Variants in RAB3IP observed in about 807,000 individuals in gnomAD.
RAB3IP encodes the protein RAB3A interacting protein.
Under a neutral mutation model 59.1 loss-of-function variants are expected in RAB3IP, and 36 were observed. That is an observed-to-expected ratio of 0.61 (90% CI 0.47 to 0.80). The LOEUF (loss-of-function observed/expected upper bound fraction) is 0.80, where lower values mean the gene tolerates loss of function less well. RAB3IP is among the 30% of genes least tolerant of loss of function. RAB3IP has a pLI of 0.00. For missense variants in RAB3IP, 511 were observed against 536.0 expected, an observed-to-expected ratio of 0.95 and a Z score of 0.46; for synonymous variants, 207 against 191.2, an observed-to-expected ratio of 1.08 and a Z score of -0.68.
At chr12:69,798,950 G>A (rs1181106703) in intron 6 of RAB3IP, among the ~76,000 whole-genome samples, 1 of 152,150 alleles carries the variant, frequency 6.6e-6, no homozygotes, top group Non-Finnish European at 1.5e-5. Context: ...AGTGAATTAG[G>A]AACAAAGATT....
intron 4 of RAB3IP, among the ~76,000 whole-genome samples, chr12:69,788,723 G>A (rs1373042626): frequency 6.6e-6 from 1 of 152,068 alleles, no homozygotes; most frequent in East Asian, 1.9e-4. Flanking sequence ...AGATACGTAT[G>A]GAACTTTTAA....
intron 3 of RAB3IP, among the ~76,000 whole-genome samples, chr12:69,766,465 T>C (rs571123229): frequency 6.6e-6 from 1 of 152,252 alleles, no homozygotes; most frequent in Non-Finnish European, 1.5e-5. Flanking sequence ...TTCAATTGTA[T>C]TTTCAAATTC....
At chr12:69,791,948 G>A (rs1435377831) in intron 4 of RAB3IP, among the ~76,000 whole-genome samples, 1 of 152,154 alleles carries the variant, frequency 6.6e-6, no homozygotes, top group Non-Finnish European at 1.5e-5. Context: ...AAAATGTGGG[G>A]GGTATGTGTG....
intron 3 of RAB3IP, among the ~76,000 whole-genome samples, chr12:69,773,392 T>A (rs1033904200): frequency 7.3e-6 from 1 of 137,240 alleles, no homozygotes; most frequent in Non-Finnish European, 1.5e-5. Context: ...TCTACCCATT[T>A]GTCTTTCTTT....
Position 69,818,201 on chromosome 12 carries a change from T to TTTGGGAGGCCA in RAB3IP, c.*2756_*2766dup, listed in dbSNP as rs146694920. The TTTGGGAGGCCA allele has an allele frequency of 0.014, 2,149 of 152,456 alleles. 48 individuals carry two copies. The highest frequency in any genetic ancestry group is 0.047 in the African/African-American group (1,945 of 41,558). 9.4% of individuals were successfully genotyped at this position (152,456 alleles called of 1,614,324 possible). A position where few individuals can be genotyped will look rare whatever the true frequency, so the allele number is the denominator to read the frequency against. Reference sequence around the variant, plus strand: ...GGCCCAGTGGCTCATGCCTCTTGGCTTTGGGAGGCCAAGGTAGGAGGATCA... The same window carrying TTTGGGAGGCCA: ...GGCCCAGTGGCTCATGCCTCTTGGCTTTGGGAGGCCATTGGGAGGCCAAGGTAGGAGGATCA... On this transcript the variant is annotated 3_prime_UTR_variant, in exon 11 of 11. Transcript: ENST00000247833.
intron 1 of RAB3IP, among the ~76,000 whole-genome samples, chr12:69,747,842 T>C (rs1868578130): frequency 6.6e-6 from 1 of 152,210 alleles, no homozygotes; most frequent in East Asian, 1.9e-4. Flanking sequence ...TCAGATAAGT[T>C]ACCTGCCCAG....
intron 8 of RAB3IP, 129 bp downstream of exon 8, chr12:69,801,850 G>T: frequency 1.8e-6 from 1 of 553,950 alleles, no homozygotes. Flanking sequence ...CGTCTGTGTA[G>T]CCTAGCCCAA....
chr12:69,760,994 TCCTC>T (rs923110670), intron 3 of RAB3IP, among the ~76,000 whole-genome samples: 1 of 152,200 alleles, frequency 6.6e-6, no homozygotes. Flanking sequence ...TTTCCATTCT[TCCTC>T]TCTCTCTCCT....
chr12:69,769,580 T>C (rs1872770547), intron 3 of RAB3IP, among the ~76,000 whole-genome samples: 1 of 152,206 alleles, frequency 6.6e-6, no homozygotes, highest in African/African-American at 2.4e-5. Context: ...TTATGCCTTA[T>C]CTTGTGACTT....
intron 1 of RAB3IP, among the ~76,000 whole-genome samples, chr12:69,750,074 T>G (rs1479168343): frequency 6.6e-6 from 1 of 152,236 alleles, no homozygotes; most frequent in Admixed American, 6.5e-5. Flanking sequence ...CTTGTAAGTG[T>G]GTCGTGGTGG....
chr12:69,769,322 T>A (rs1003041785), intron 3 of RAB3IP, among the ~76,000 whole-genome samples: 4 of 152,162 alleles, frequency 2.6e-5, no homozygotes, highest in Admixed American at 6.5e-5. Flanking sequence ...TGTCTTTCCT[T>A]CATAGCATCT....
chr12:69,778,487 C>T (rs1281535141), intron 3 of RAB3IP, among the ~76,000 whole-genome samples: 7 of 148,876 alleles, frequency 4.7e-5, no homozygotes, highest in African/African-American at 9.9e-5. Context: ...GGAGGAGAGG[C>T]GCTCTGATTT....
At chr12:69,762,756 CAAAAAAAAAAAAAA>C (rs11445702) in intron 3 of RAB3IP, among the ~76,000 whole-genome samples, 1 of 76,758 alleles carries the variant, frequency 1.3e-5, no homozygotes, top group East Asian at 4.2e-4. Context: ...GACTCCGTCT[CAAAAAAAAAAAAAA>C]AAAAAAAAAG....
At position 69,815,635 on chromosome 12, in the gene RAB3IP, C is replaced by A. The variant is rs1381745932; in HGVS notation, c.*189C>A. The stretch of plus-strand genomic sequence containing the variant: ...TGTGTTTGCTTATTCTTTAGTTGAA[C>A]ACACTATGAAGAATTCCAGGTGTAC... On this transcript the variant is annotated 3_prime_UTR_variant, in exon 11 of 11. Transcript: ENST00000247833. The A allele has an allele frequency of 5.1e-6, 2 of 395,326 alleles. No homozygotes were observed. Among genetic ancestry groups the A allele is most frequent in the Non-Finnish European group, 9.0e-6 (2 of 222,126 alleles). The allele number at this position is 395,326 out of a possible 1,614,324, so 24.5% of individuals were successfully genotyped here. A position where few individuals can be genotyped will look rare whatever the true frequency, so the allele number is the denominator to read the frequency against.
chr12:69,813,584 G>A (rs1387584799), intron 10 of RAB3IP, among the ~76,000 whole-genome samples: 2 of 152,080 alleles, frequency 1.3e-5, no homozygotes, highest in African/African-American at 4.8e-5. Flanking sequence ...CCTCATGAAA[G>A]TGTGTTAATA....
At chr12:69,772,233 C>A (rs374155815) in intron 3 of RAB3IP, among the ~76,000 whole-genome samples, 2 of 152,160 alleles carry the variant, frequency 1.3e-5, no homozygotes, top group East Asian at 3.8e-4. Flanking sequence ...TAGGTAGCTA[C>A]TCCTGCTTTC....
At chr12:69,793,843 T>A (rs1362482015) in intron 4 of RAB3IP, among the ~76,000 whole-genome samples, 4 of 152,180 alleles carry the variant, frequency 2.6e-5, no homozygotes, top group African/African-American at 9.7e-5. Context: ...ATTATATGAA[T>A]AAAAAGGAAT....
At chr12:69,797,012 C>A (rs948260658) in intron 6 of RAB3IP, among the ~76,000 whole-genome samples, 1 of 152,148 alleles carries the variant, frequency 6.6e-6, no homozygotes, top group Non-Finnish European at 1.5e-5. Context: ...TCATGAAAAA[C>A]TTGTCAAAAA....
intron 4 of RAB3IP, among the ~76,000 whole-genome samples, chr12:69,789,970 A>G (rs1213617670): frequency 2.0e-5 from 3 of 152,194 alleles, no homozygotes; most frequent in South Asian, 2.1e-4. Flanking sequence ...ATAGCTAACA[A>G]TCATAATCAG....
Sources: gnomAD v4.1 joint callset for allele counts (sites outside exome capture counted in the v4.1 genomes callset) on GRCh38, gnomAD v4.1.1 for gene constraint, MANE v1.5 for transcripts, NCBI Gene and HGNC (gene_info 2026-07-23, HGNC 2026-07-21) for gene names.